PIP4K2A: variants seen among roughly 807,000 people sequenced by gnomAD.
PIP4K2A encodes phosphatidylinositol-5-phosphate 4-kinase type 2 alpha.
PIP4K2A carries 14 observed loss-of-function variants against 42.9 expected under a neutral mutation model. The ratio of observed to expected loss-of-function variants is 0.33; its 90% CI spans 0.22 to 0.51. The LOEUF is 0.51. Among genes scored for constraint, PIP4K2A ranks in the 20% least tolerant of loss-of-function variants. PIP4K2A has a pLI of 0.97. For synonymous variants in PIP4K2A, 192 were observed against 192.2 expected, an observed-to-expected ratio of 1.00 and a Z score of 0.01; for missense variants, 434 against 519.8, an observed-to-expected ratio of 0.83 and a Z score of 1.61.
intron 1 of PIP4K2A, among the ~76,000 whole-genome samples, chr10:22,667,276 A>G (rs1214164915): frequency 6.6e-6 from 1 of 152,238 alleles, no homozygotes; most frequent in Non-Finnish European, 1.5e-5. Flanking sequence ...CTAGCTTTAA[A>G]TTAATTTAGT....
chr10:22,616,386 G>A (rs1838178446), intron 1 of PIP4K2A, among the ~76,000 whole-genome samples: 1 of 152,134 alleles, frequency 6.6e-6, no homozygotes, highest in Non-Finnish European at 1.5e-5. Flanking sequence ...TACAACCCAA[G>A]GGGGTAGAGG....
At chr10:22,589,228 GTATA>G (rs932815566) in intron 4 of PIP4K2A, among the ~76,000 whole-genome samples, 1 of 152,188 alleles carries the variant, frequency 6.6e-6, no homozygotes, top group African/African-American at 2.4e-5. Context: ...CTGAAAGAAA[GTATA>G]AAGAGAATGC....
chr10:22,583,710 G>A (rs1055521356), intron 4 of PIP4K2A, among the ~76,000 whole-genome samples: 2 of 152,208 alleles, frequency 1.3e-5, no homozygotes, highest in African/African-American at 2.4e-5. Flanking sequence ...CCCAAACATT[G>A]CAGAGGTGAA....
chr10:22,594,552 T>G (rs1362745710), intron 3 of PIP4K2A, among the ~76,000 whole-genome samples: 1 of 152,186 alleles, frequency 6.6e-6, no homozygotes, highest in Admixed American at 6.5e-5. Flanking sequence ...TGTGCCACCA[T>G]GCCCAGCTAA....
rs1027878931 is a variant in PIP4K2A at position 22,574,087 on chromosome 10, C to T, written c.493-630G>A. Among the ~76,000 whole-genome samples, 5 of 64,050 alleles carry T rather than the reference C, an allele frequency of 7.8e-5. No homozygotes were observed. The Admixed American group carries it at 9.2e-4, about 12-fold the overall frequency. 42.0% of individuals were successfully genotyped at this position (64,050 alleles called of 152,430 possible). On this transcript the variant is annotated intron_variant, in intron 4 of 9. Transcript: ENST00000376573. ...ACAAGCCCAGGGTTGACACCATTTC[C>T]GAGGAGAGTTGCAAAAAAAACACAA...
chr10:22,610,804 G>A (rs1838017273), intron 1 of PIP4K2A, among the ~76,000 whole-genome samples: 1 of 152,204 alleles, frequency 6.6e-6, no homozygotes, highest in Admixed American at 6.5e-5. Flanking sequence ...GATCCTTGAA[G>A]GAAGCCTTTG....
At position 22,696,575 on chromosome 10, in the gene PIP4K2A, A is replaced by G. The variant is rs188319269; in HGVS notation, c.144+17608T>C. Among the ~76,000 whole-genome samples the G allele has an allele frequency of 2.0e-3, 308 of 152,276 alleles. 1 individual carries two copies. The highest frequency in any genetic ancestry group is 3.0e-3 in the Non-Finnish European group (204 of 68,016). On this transcript the variant is annotated intron_variant, in intron 1 of 9. Transcript: ENST00000376573. The stretch of plus-strand genomic sequence containing the variant: ...TTTCAATCTTGCAGACATTTTTCTC[A>G]TAAGAAAAAAAGGGTAGTTTCTTAA...
chr10:22,672,146 G>T (rs113863918), intron 1 of PIP4K2A, among the ~76,000 whole-genome samples: 86 of 152,218 alleles, frequency 5.6e-4, no homozygotes, highest in Middle Eastern at 6.8e-3. Context: ...ACAATAGGCA[G>T]TTATTGTTAA....
chr10:22,708,703 A>C (rs1342356377), intron 1 of PIP4K2A, among the ~76,000 whole-genome samples: 1 of 152,182 alleles, frequency 6.6e-6, no homozygotes, highest in Non-Finnish European at 1.5e-5. Context: ...CTGCAGCATC[A>C]GTACCACCCG....
chr10:22,707,729 C>A (rs1365668760), intron 1 of PIP4K2A, among the ~76,000 whole-genome samples: 1 of 152,138 alleles, frequency 6.6e-6, no homozygotes, highest in Non-Finnish European at 1.5e-5. Flanking sequence ...CGTGTTCCCC[C>A]CCAAGAATTC....
intron 6 of PIP4K2A, among the ~76,000 whole-genome samples, chr10:22,556,163 AAAGT>A (rs1477257770): frequency 3.9e-5 from 6 of 152,218 alleles, no homozygotes; most frequent in Admixed American, 3.3e-4. Flanking sequence ...ACATGAGGGC[AAAGT>A]TAGTATTTCA....
At chr10:22,601,886 C>T (rs1460494370) in intron 3 of PIP4K2A, among the ~76,000 whole-genome samples, 1 of 152,242 alleles carries the variant, frequency 6.6e-6, no homozygotes, top group Non-Finnish European at 1.5e-5. Context: ...CATCCCTGCT[C>T]TCTTAGCTTT....
rs144285441 is a variant in PIP4K2A, at chr10:22,608,011, C to T, written c.255G>A (p.Pro85=). 1,044 of 1,609,350 alleles carry T rather than the reference C, an allele frequency of 6.5e-4. No individual in the cohort carries two copies. The highest frequency in any genetic ancestry group is 9.3e-4 in the Admixed American group (56 of 59,924). The part of the protein sequence containing the change: ...DNHLFNKENM[P]SHFKFKEYCP... ...AGTATTCCTTAAACTTGAAATGGCTCGGCATGTTTTCTCTGAAACAGTCAC... is the reference window on the plus strand; with the variant it reads ...AGTATTCCTTAAACTTGAAATGGCTTGGCATGTTTTCTCTGAAACAGTCAC... Residue 85 remains proline (P), a synonymous_variant, in exon 3 of 10, where the codon CCG becomes CCA. Transcript: ENST00000376573.
chr10:22,587,492 A>G (rs1300881183), intron 4 of PIP4K2A, among the ~76,000 whole-genome samples: 2 of 152,216 alleles, frequency 1.3e-5, no homozygotes, highest in Admixed American at 1.3e-4. Flanking sequence ...ACAAACCCTA[A>G]AAGTACTCTA....
In PIP4K2A at chr10:22,706,543, CT is replaced by C. The variant is rs548103223; in HGVS notation, c.144+7639del. On this transcript the variant is annotated intron_variant, in intron 1 of 9. Transcript: ENST00000376573. ...ACGGTCTATTTAATACCTTCCACCC[CT>C]AGCATTCTGGACACTGTAGTTATTT... Among the ~76,000 whole-genome samples the C allele has an allele frequency of 4.1e-3, 619 of 152,354 alleles. 3 individuals carry two copies. The highest frequency in any genetic ancestry group is 0.014 in the African/African-American group (600 of 41,578).
At chr10:22,660,513 T>A (rs1387033718) in intron 1 of PIP4K2A, among the ~76,000 whole-genome samples, 1 of 152,020 alleles carries the variant, frequency 6.6e-6, no homozygotes, top group Non-Finnish European at 1.5e-5. Context: ...ATCCTGAATT[T>A]TTTTTTTCCT....
intron 6 of PIP4K2A, among the ~76,000 whole-genome samples, chr10:22,558,531 C>T (rs145974245): frequency 2.0e-5 from 3 of 152,146 alleles, no homozygotes; most frequent in Non-Finnish European, 2.9e-5. Context: ...TTAGTGGATA[C>T]GGATAAAGTT....
intron 1 of PIP4K2A, among the ~76,000 whole-genome samples, chr10:22,652,139 A>G (rs998843540): frequency 1.3e-5 from 2 of 150,214 alleles, no homozygotes; most frequent in African/African-American, 2.5e-5. Context: ...TTTTTTTGAG[A>G]CAGACTCTTA....
intron 1 of PIP4K2A, among the ~76,000 whole-genome samples, chr10:22,686,017 T>C (rs1839758419): frequency 6.6e-6 from 1 of 152,204 alleles, no homozygotes; most frequent in South Asian, 2.1e-4. Context: ...TCGCCTTAAG[T>C]GAGGCAGGGA....
Sources: allele counts gnomAD v4.1 joint callset (sites outside exome capture counted in the v4.1 genomes callset), GRCh38; gene constraint gnomAD v4.1.1; transcripts MANE v1.5; gene names NCBI Gene and HGNC (gene_info 2026-07-23, HGNC 2026-07-21).